SNTG2: variants seen among roughly 807,000 people sequenced by gnomAD.
The protein encoded by SNTG2 is syntrophin gamma 2, also known as gamma-2-syntrophin.
In SNTG2, 74 loss-of-function variants were observed where a neutral mutation model predicts 70.9. The ratio of observed to expected loss-of-function variants is 1.04; its 90% CI spans 0.86 to 1.27. The LOEUF (loss-of-function observed/expected upper bound fraction) is 1.27. Ranked by LOEUF, SNTG2 falls within the 50% of genes most tolerant of loss-of-function variation. SNTG2 has a pLI of 0.00. For missense variants in SNTG2, 717 were observed against 690.7 expected (o/e 1.04, Z -0.43); for synonymous variants, 278 against 273.8 (o/e 1.02, Z -0.15).
At position 1,173,141 on chromosome 2, in the gene SNTG2, C is replaced by T; in HGVS notation, c.549C>T (p.Leu183=). 1 of 1,614,046 alleles carries T rather than the reference C, an allele frequency of 6.2e-7. No individual in the cohort carries two copies. The change falls in exon 8 of 17, where the codon CTC becomes CTT. Residue 183 remains leucine, a synonymous_variant. Transcript: ENST00000308624. ...ACAGCAGTGGGGCCTCCTCTCCCCT[C>T]TTTGACAGCGGTTTGCATCTGAACG... is the stretch of plus-strand genomic sequence containing the variant. ...SDHSSGASSP[L]FDSGLHLNGN...
intron 8 of SNTG2, among the ~76,000 whole-genome samples, chr2:1,182,568 G>T (rs1267983215): frequency 1.3e-5 from 2 of 152,110 alleles, no homozygotes; most frequent in African/African-American, 4.8e-5. Flanking sequence ...TCTGCAATCC[G>T]AGAGGAAAGA....
intron 16 of SNTG2, among the ~76,000 whole-genome samples, chr2:1,355,555 C>A (rs1156887239): frequency 6.6e-6 from 1 of 152,218 alleles, no homozygotes; most frequent in East Asian, 1.9e-4. Flanking sequence ...AACGTACCTG[C>A]ATACACCATA....
intron 1 of SNTG2, among the ~76,000 whole-genome samples, chr2:1,038,920 G>A (rs1661279438): frequency 1.3e-5 from 2 of 152,156 alleles, no homozygotes; most frequent in Admixed American, 6.5e-5. Flanking sequence ...TTCTTCCCAA[G>A]TGAGCTCATA....
At chr2:1,116,843 T>C (rs1458722006) in intron 4 of SNTG2, among the ~76,000 whole-genome samples, 2 of 148,172 alleles carry the variant, frequency 1.3e-5, no homozygotes, top group African/African-American at 2.5e-5. Flanking sequence ...GGTGTATGGG[T>C]GCCCTGGTGT....
At chr2:1,031,337 C>T (rs10195444) in intron 1 of SNTG2, among the ~76,000 whole-genome samples, 1 of 151,340 alleles carries the variant, frequency 6.6e-6, no homozygotes. Flanking sequence ...CATTTCCTCC[C>T]CTCTCAGGGA....
intron 6 of SNTG2, 136 bp from the exon 7 acceptor site, chr2:1,165,412 A>G: frequency 1.2e-6 from 1 of 820,902 alleles, no homozygotes. Flanking sequence ...TGAAGCCCAC[A>G]AAGTTTTCCG....
Position 1,173,072 on chromosome 2 carries a change from C to G in SNTG2, c.500-20C>G. On this transcript the variant is annotated intron_variant, in intron 7 of 16. Coordinates refer to ENST00000308624, the MANE Select transcript of SNTG2 (RefSeq NM_018968.4). The stretch of plus-strand genomic sequence containing the variant: ...TGTCAGTGGCACCAATTGGAAGGGA[C>G]TTCTCTTGTTTTGCTGCAGGGTCCC... 2 of 1,610,940 alleles carry G rather than the reference C, an allele frequency of 1.2e-6. No individual in the cohort carries two copies. The highest frequency in any genetic ancestry group is 1.1e-5 in the South Asian group (1 of 90,892).
chr2:1,191,281 A>G (rs572877994), intron 8 of SNTG2, among the ~76,000 whole-genome samples: 49 of 152,278 alleles, frequency 3.2e-4, no homozygotes, highest in African/African-American at 1.2e-3. Flanking sequence ...TTTACTAGGA[A>G]TAGATTTAGT....
intron 1 of SNTG2, among the ~76,000 whole-genome samples, chr2:988,183 C>G (rs944105366): frequency 9.9e-5 from 15 of 152,216 alleles, no homozygotes; most frequent in African/African-American, 3.1e-4. Context: ...AGAGGTCACA[C>G]CAAAGACATG....
At chr2:1,207,788 G>T (rs1037341905) in intron 8 of SNTG2, among the ~76,000 whole-genome samples, 2 of 152,276 alleles carry the variant, frequency 1.3e-5, no homozygotes, top group South Asian at 4.1e-4. Context: ...CCAGTTCAGC[G>T]GCACAGAACT....
At chr2:973,582 A>T (rs1332369864) in intron 1 of SNTG2, among the ~76,000 whole-genome samples, 1 of 149,734 alleles carries the variant, frequency 6.7e-6, no homozygotes, top group Non-Finnish European at 1.5e-5. Context: ...CTAATTTTGG[A>T]ACTCTTTATT....
At chr2:1,207,015 G>T (rs1003587380) in intron 8 of SNTG2, among the ~76,000 whole-genome samples, 10 of 152,118 alleles carry the variant, frequency 6.6e-5, no homozygotes, top group Non-Finnish European at 1.2e-4. Context: ...AACTCCTATG[G>T]CACAGATTTA....
intron 6 of SNTG2, among the ~76,000 whole-genome samples, chr2:1,143,238 C>A (rs1296983627): frequency 6.6e-6 from 1 of 152,120 alleles, no homozygotes; most frequent in African/African-American, 2.4e-5. Flanking sequence ...CCTGCAAAAT[C>A]AGATATGGGC....
chr2:1,237,836 A>G, intron 9 of SNTG2, 52 bp from the exon 10 acceptor site: 2 of 1,551,098 alleles, frequency 1.3e-6, no homozygotes, highest in East Asian at 2.4e-5. Flanking sequence ...TCACGGAGGC[A>G]GGCCCGCTCC....
Position 1,031,508 on chromosome 2 carries a change from T to TTTTATATATA in SNTG2, c.73-52009_73-52008insTTATATATAT, listed in dbSNP as rs1345229584. 6.9e-4 allele frequency among the ~76,000 whole-genome samples: 40 copies of TTTTATATATA among 57,738 alleles called. 7 individuals carry two copies. The highest frequency in any genetic ancestry group is 2.3e-3 in the South Asian group (3 of 1,286). 37.9% of individuals were successfully genotyped at this position (57,738 alleles called of 152,430 possible). ...GGCTATTTGTATATATAGTTCATTG[T>TTTTATATATA]TATATATATATATATATATATTTTT... On this transcript the variant is annotated intron_variant, in intron 1 of 16. Transcript: ENST00000308624.
At chr2:1,304,412 T>C (rs1680586091) in intron 14 of SNTG2, among the ~76,000 whole-genome samples, 1 of 152,164 alleles carries the variant, frequency 6.6e-6, no homozygotes, top group Non-Finnish European at 1.5e-5. Context: ...ATCCTGTTCT[T>C]GGTGTTCAGA....
chr2:1,365,862 A>G (rs536817932), intron 16 of SNTG2, among the ~76,000 whole-genome samples: 33 of 152,304 alleles, frequency 2.2e-4, no homozygotes, highest in Non-Finnish European at 4.1e-4. Flanking sequence ...TTTGAGTTAT[A>G]AAGAAAAGCA....
rs528886001 is a variant in SNTG2 at position 1,258,675 on chromosome 2, G to T, written c.1006-695G>T. 3.9e-5 allele frequency among the ~76,000 whole-genome samples: 6 copies of T among 152,236 alleles called. No homozygotes were observed. In the South Asian group the frequency reaches 1.2e-3, roughly 32 times the overall value. On this transcript the variant is annotated intron_variant, in intron 12 of 16. Coordinates refer to ENST00000308624, the MANE Select transcript of SNTG2 (RefSeq NM_018968.4). The stretch of plus-strand genomic sequence containing the variant: ...GTCAACAATAAAAAACATCAAATTT[G>T]TTACATTGTTGAATATTTTAGATTT...
At chr2:1,065,617 T>G (rs1453402985) in intron 1 of SNTG2, among the ~76,000 whole-genome samples, 1 of 152,254 alleles carries the variant, frequency 6.6e-6, no homozygotes, top group Non-Finnish European at 1.5e-5. Context: ...ATTTTTGTTT[T>G]TGTTAAAAAA....
Sources: gnomAD v4.1 joint callset for allele counts (sites outside exome capture counted in the v4.1 genomes callset) on GRCh38, gnomAD v4.1.1 for gene constraint, MANE v1.5 for transcripts, NCBI Gene and HGNC (gene_info 2026-07-23, HGNC 2026-07-21) for gene names.